PLCE1: variants seen among roughly 807,000 people sequenced by gnomAD.
The protein encoded by PLCE1 is 1-phosphatidylinositol 4,5-bisphosphate phosphodiesterase epsilon-1.
PLCE1 carries 119 observed loss-of-function variants against 242.8 expected under a neutral mutation model. The observed-to-expected ratio is 0.49, with a 90% CI of 0.42 to 0.57. PLCE1 has a LOEUF of 0.57. Among genes scored for constraint, PLCE1 ranks in the 20% least tolerant of loss-of-function variants. The pLI, the probability that PLCE1 is intolerant of heterozygous loss-of-function variation, is 0.00. For synonymous variants in PLCE1, 945 were observed against 1,017.4 expected (o/e 0.93, Z 1.35); for missense variants, 2,441 against 2,788.8 (o/e 0.88, Z 2.81).
At chr10:94,081,051 G>A (rs1187547307) in intron 2 of PLCE1, among the ~76,000 whole-genome samples, 2 of 152,170 alleles carry the variant, frequency 1.3e-5, no homozygotes, top group Non-Finnish European at 2.9e-5. Flanking sequence ...GATTATGGGA[G>A]GAAAATGTTA....
chr10:94,019,980 A>G (rs940104459), intron 1 of PLCE1, among the ~76,000 whole-genome samples: 2 of 152,340 alleles, frequency 1.3e-5, no homozygotes, highest in African/African-American at 4.8e-5. Context: ...ACATTTTTGT[A>G]TAAGTCTGCT....
At chr10:94,059,220 CATT>C (rs2043983351) in intron 2 of PLCE1, among the ~76,000 whole-genome samples, 1 of 152,180 alleles carries the variant, frequency 6.6e-6, no homozygotes, top group Non-Finnish European at 1.5e-5. Flanking sequence ...ATAGGAATAA[CATT>C]ATGAACGGTA....
At chr10:94,029,859 C>G (rs2061522762) in intron 1 of PLCE1, among the ~76,000 whole-genome samples, 1 of 152,124 alleles carries the variant, frequency 6.6e-6, no homozygotes, top group South Asian at 2.1e-4. Context: ...AACTGCTTCT[C>G]CTGGAAGGGA....
At chr10:94,002,081 T>C (rs1477509952) in intron 1 of PLCE1, among the ~76,000 whole-genome samples, 3 of 151,564 alleles carry the variant, frequency 2.0e-5, no homozygotes, top group Non-Finnish European at 4.4e-5. Context: ...TTTACAGTGG[T>C]AGGGATTGGT....
intron 3 of PLCE1, among the ~76,000 whole-genome samples, chr10:94,159,725 G>A (rs934074202): frequency 2.0e-5 from 3 of 152,018 alleles, no homozygotes; most frequent in Non-Finnish European, 4.4e-5. Flanking sequence ...CCATTATCTC[G>A]TCATTTAACA....
Position 94,328,207 on chromosome 10 carries a change from G to GACTT in PLCE1, c.*266_*269dup. ...GCAGTTGGAAAAATCGTCACGAATTGACTTAGAGCAAGGGTCAGCAAGCTT... is the reference window on the plus strand; with the variant it reads ...GCAGTTGGAAAAATCGTCACGAATTGACTTACTTAGAGCAAGGGTCAGCAAGCTT... On this transcript the variant is annotated 3_prime_UTR_variant, in exon 33 of 33. Coordinates refer to ENST00000371380, the MANE Select transcript of PLCE1 (RefSeq NM_016341.4). 1 of 311,666 alleles carries GACTT rather than the reference G, an allele frequency of 3.2e-6. No individual in the cohort carries two copies. The highest frequency in any genetic ancestry group is 6.7e-6 in the Non-Finnish European group (1 of 148,894). The allele number at this position is 311,666 out of a possible 1,614,324, so 19.3% of individuals were successfully genotyped here.
At chr10:94,135,558 G>A (rs73314217) in intron 3 of PLCE1, among the ~76,000 whole-genome samples, 4,486 of 152,224 alleles carry the variant, frequency 0.029, 211 homozygotes, top group African/African-American at 0.099. Flanking sequence ...TCCCAGGAGC[G>A]ATATAGAACT....
At position 94,324,407 on chromosome 10, in the gene PLCE1, A is replaced by C. The variant is rs750672164; in HGVS notation, c.6560A>C (p.Tyr2187Ser). The C allele has an allele frequency of 6.2e-7, 1 of 1,614,192 alleles. No homozygotes were observed. Among genetic ancestry groups the C allele is most frequent in the Non-Finnish European group, 8.5e-7 (1 of 1,180,032 alleles). ...SILSNPNPSD[Y>S]VLLEEVVKDT... ...CTGAGCAACCCCAATCCAAGCGACT[A>C]TGTGCTTTTGGAAGAGGTGGTGAAA... The change falls in exon 31 of 33, where the codon TAT (tyrosine) becomes TCT (serine). Residue 2187 changes from tyrosine (Y) to serine (S), a missense_variant. Tyr to Ser is a moderately radical substitution (Grantham distance 144). This residue lies in a region of PLCE1 where 310 missense variants were observed against 317.2 expected (regional missense o/e 0.98). Transcript: ENST00000371380.
chr10:94,304,667 A>G, intron 25 of PLCE1, 22 bp downstream of exon 25: 1 of 1,612,684 alleles, frequency 6.2e-7, no homozygotes, highest in Non-Finnish European at 8.5e-7. Flanking sequence ...CCCTAGAGAA[A>G]GAACATAAGG....
At chr10:94,291,377 A>G (rs1318112096) in intron 22 of PLCE1, among the ~76,000 whole-genome samples, 1 of 152,190 alleles carries the variant, frequency 6.6e-6, no homozygotes, top group Non-Finnish European at 1.5e-5. Flanking sequence ...TCCAACATCT[A>G]TATCTAAAAT....
chr10:94,183,906 G>A (rs575253923), intron 4 of PLCE1, among the ~76,000 whole-genome samples: 2 of 152,156 alleles, frequency 1.3e-5, no homozygotes, highest in East Asian at 1.9e-4. Flanking sequence ...CAAGGGGATG[G>A]CACTAAGCTA....
intron 3 of PLCE1, among the ~76,000 whole-genome samples, chr10:94,141,568 GCTA>G (rs1275304801): frequency 1.5e-5 from 2 of 135,166 alleles, no homozygotes; most frequent in African/African-American, 2.9e-5. Context: ...TGAAGGGAAG[GCTA>G]AGGGAAGGTG....
At chr10:94,136,136 G>A (rs1012956883) in intron 3 of PLCE1, among the ~76,000 whole-genome samples, 1 of 152,142 alleles carries the variant, frequency 6.6e-6, no homozygotes, top group African/African-American at 2.4e-5. Flanking sequence ...AAAGGAACAG[G>A]GAAAAACAAA....
chr10:94,172,826 T>G (rs191721062), intron 4 of PLCE1, among the ~76,000 whole-genome samples: 1 of 152,192 alleles, frequency 6.6e-6, no homozygotes, highest in Non-Finnish European at 1.5e-5. Context: ...GACACCATCT[T>G]TAGAAAAAAA....
In PLCE1 at chr10:94,191,305, C is replaced by A. The variant is rs186110373; in HGVS notation, c.1809+19809C>A. Among the ~76,000 whole-genome samples, 376 of 152,142 alleles carry A rather than the reference C, an allele frequency of 2.5e-3. 4 individuals are homozygous for A. Among genetic ancestry groups the A allele is most frequent in the African/African-American group, 8.4e-3 (350 of 41,508 alleles). On this transcript the variant is annotated intron_variant, in intron 4 of 32. Coordinates refer to ENST00000371380, the MANE Select transcript of PLCE1 (RefSeq NM_016341.4). ...TTTCACTAGAGCAGAGAGGACCCCC[C>A]CTGCCCCAAACAGAAAAACCATGTT... is the stretch of plus-strand genomic sequence containing the variant.
chr10:94,270,426 C>A, intron 17 of PLCE1, 60 bp from the exon 18 acceptor site: 1 of 1,076,226 alleles, frequency 9.3e-7, no homozygotes, highest in Non-Finnish European at 1.4e-6. Context: ...TATAACTACC[C>A]TGCCTTCTGA....
At position 94,132,445 on chromosome 10, in the gene PLCE1, G is replaced by A. The variant is rs763387612; in HGVS notation, c.1478G>A (p.Arg493Gln). 7 of 1,613,932 alleles carry A rather than the reference G, an allele frequency of 4.3e-6. No homozygotes were observed. Among genetic ancestry groups the A allele is most frequent in the Admixed American group, 1.7e-5 (1 of 60,010 alleles). ...AGTACTTTTGGAGGATCCACTGGAC[G>A]AATGATGCTGAAAGGTAATGCCTGA... is the stretch of plus-strand genomic sequence containing the variant. ...LLSTFGGSTG[R>Q]MMLKERQPGP... The change falls in exon 3 of 33, where the codon CGA (arginine) becomes CAA (glutamine). Residue 493 changes from arginine to glutamine, a missense_variant. By Grantham distance (43) the Arg-to-Gln change is conservative. Around this residue, in one of 5 missense-constraint regions of PLCE1, gnomAD observed 733 missense variants for 754.2 expected, o/e 0.97. Coordinates refer to ENST00000371380, the MANE Select transcript of PLCE1 (RefSeq NM_016341.4).
intron 3 of PLCE1, among the ~76,000 whole-genome samples, chr10:94,167,840 C>T (rs961497713): frequency 3.3e-5 from 5 of 151,950 alleles, no homozygotes; most frequent in South Asian, 4.2e-4. Context: ...CACCCACTGC[C>T]GTGCCTGGCT....
At chr10:94,097,061 C>T (rs185908845) in intron 2 of PLCE1, among the ~76,000 whole-genome samples, 1 of 152,266 alleles carries the variant, frequency 6.6e-6, no homozygotes, top group East Asian at 1.9e-4. Flanking sequence ...TACCCAACTA[C>T]CCCTCTCCTT....
Sources: allele counts gnomAD v4.1 joint callset (sites outside exome capture counted in the v4.1 genomes callset), GRCh38; gene constraint gnomAD v4.1.1; regional missense constraint gnomAD v4.1.1; transcripts MANE v1.5; gene names NCBI Gene and HGNC (gene_info 2026-07-23, HGNC 2026-07-21).